The following FTCDNL1 variants were observed in gnomAD, a reference collection of about 807,000 sequenced individuals.
FTCDNL1 encodes the protein formiminotransferase N-terminal subdomain-containing protein.
Under a neutral mutation model 5.9 loss-of-function variants are expected in FTCDNL1, and 11 were observed. That is an observed-to-expected ratio of 1.87 (90% CI 1.18 to 3.10). The LOEUF is 3.10. Among genes scored for constraint, FTCDNL1 ranks in the 30% most tolerant of loss-of-function variants. The probability of loss-of-function intolerance (pLI) is 0.00; values close to 1 mark genes in which losing one functional copy is unlikely to be tolerated. For synonymous variants in FTCDNL1, 58 were observed against 24.8 expected (o/e 2.34, Z -3.99); for missense variants, 115 against 65.5 (o/e 1.76, Z -2.61).
At chr2:199,696,413 C>T in the FTCDNL1 span, among the ~76,000 whole-genome samples, 3 of 152,128 alleles carry the variant, frequency 2.0e-5, no homozygotes, top group East Asian at 1.9e-4. Flanking sequence ...GTGTTGTTGC[C>T]GGCAGACTGG....
intron 2 of FTCDNL1, among the ~76,000 whole-genome samples, chr2:199,846,768 T>C (rs2076743725): frequency 6.6e-6 from 1 of 152,200 alleles, no homozygotes; most frequent in South Asian, 2.1e-4. Context: ...TGAATATGTG[T>C]AACCTGGAGG....
chr2:199,758,638 A>ATTG (rs1224655030), downstream of FTCDNL1, among the ~76,000 whole-genome samples: 1 of 152,208 alleles, frequency 6.6e-6, no homozygotes, highest in African/African-American at 2.4e-5. Flanking sequence ...ATTCACAAGT[A>ATTG]TACAAGAAGT....
At chr2:199,730,314 C>A in the FTCDNL1 span, among the ~76,000 whole-genome samples, 1 of 152,082 alleles carries the variant, frequency 6.6e-6, no homozygotes, top group Non-Finnish European at 1.5e-5. Flanking sequence ...CCAAAAGCAA[C>A]TGCAACGAAA....
intron 2 of FTCDNL1, among the ~76,000 whole-genome samples, chr2:199,848,538 T>C (rs1343465574): frequency 6.6e-6 from 1 of 152,260 alleles, no homozygotes; most frequent in Non-Finnish European, 1.5e-5. Flanking sequence ...TATACTTTTA[T>C]GTAAATACAT....
the FTCDNL1 span, among the ~76,000 whole-genome samples, chr2:199,707,805 G>A: frequency 2.6e-5 from 4 of 151,938 alleles, no homozygotes; most frequent in African/African-American, 9.7e-5. Context: ...ACAGAAGTCT[G>A]CAGTAATTTA....
At chr2:199,715,021 C>T in the FTCDNL1 span, among the ~76,000 whole-genome samples, 1 of 151,642 alleles carries the variant, frequency 6.6e-6, no homozygotes, top group Non-Finnish European at 1.5e-5. Context: ...TGCAGCACAC[C>T]AACATGGCAC....
At chr2:199,725,202 A>G in the FTCDNL1 span, among the ~76,000 whole-genome samples, 1 of 152,156 alleles carries the variant, frequency 6.6e-6, no homozygotes, top group Admixed American at 6.5e-5. Flanking sequence ...CTAGGATTGC[A>G]ACCCCTGGTT....
the FTCDNL1 span, among the ~76,000 whole-genome samples, chr2:199,714,408 A>T: frequency 3.3e-5 from 5 of 152,224 alleles, no homozygotes; most frequent in South Asian, 2.1e-4. Context: ...AAAATATTAA[A>T]GATACATATG....
Position 199,761,132 on chromosome 2 carries a change from G to A in FTCDNL1, c.212-297C>T, listed in dbSNP as rs556565763. Among the ~76,000 whole-genome samples the A allele has an allele frequency of 2.1e-4, 32 of 152,302 alleles. 1 individual carries two copies. The highest frequency in any genetic ancestry group is 6.7e-4 in the African/African-American group (28 of 41,562). On this transcript the variant is annotated intron_variant, in intron 3 of 3. Coordinates refer to the FTCDNL1 transcript ENST00000416668. ...TCAGTTTCTTGCCAGGACCCTGACT[G>A]CTCCCTGCACAGAGTAAGAAGCCTG...
intron 3 of FTCDNL1, among the ~76,000 whole-genome samples, chr2:199,781,220 C>T (rs773327979): frequency 2.0e-5 from 3 of 152,164 alleles, no homozygotes; most frequent in Non-Finnish European, 4.4e-5. Flanking sequence ...GGATATAAAC[C>T]ATTACCTATA....
chr2:199,723,603 A>G, the FTCDNL1 span, among the ~76,000 whole-genome samples: 2 of 152,082 alleles, frequency 1.3e-5, no homozygotes, highest in Non-Finnish European at 2.9e-5. Context: ...GGGGACGTTC[A>G]TTTTTATTGA....
the FTCDNL1 span, among the ~76,000 whole-genome samples, chr2:199,670,473 A>G: frequency 6.6e-6 from 1 of 152,206 alleles, no homozygotes. Context: ...AAATCAAGAG[A>G]CTTTTCAATC....
At chr2:199,729,270 T>C in the FTCDNL1 span, among the ~76,000 whole-genome samples, 1 of 152,152 alleles carries the variant, frequency 6.6e-6, no homozygotes, top group African/African-American at 2.4e-5. Context: ...TAAATAAAGA[T>C]GGAAGAATAA....
the FTCDNL1 span, among the ~76,000 whole-genome samples, chr2:199,686,135 C>G: frequency 6.6e-6 from 1 of 152,222 alleles, no homozygotes; most frequent in African/African-American, 2.4e-5. Context: ...CTCCGCTGTT[C>G]AGCGTGGGTG....
chr2:199,755,685 T>C (rs571733569), downstream of FTCDNL1, among the ~76,000 whole-genome samples: 17 of 152,334 alleles, frequency 1.1e-4, no homozygotes, highest in South Asian at 3.5e-3. Context: ...AGGAGCAGTA[T>C]ACCTATGCTG....
intron 3 of FTCDNL1, among the ~76,000 whole-genome samples, chr2:199,768,760 G>A (rs777804821): frequency 6.6e-6 from 1 of 152,148 alleles, no homozygotes; most frequent in Non-Finnish European, 1.5e-5. Context: ...TGAAAAGCAA[G>A]AGTTCTACTT....
At chr2:199,723,733 C>T in the FTCDNL1 span, among the ~76,000 whole-genome samples, 1 of 152,174 alleles carries the variant, frequency 6.6e-6, no homozygotes, top group Admixed American at 6.5e-5. Flanking sequence ...AGGGATAAAG[C>T]CAACTTGATT....
the FTCDNL1 span, among the ~76,000 whole-genome samples, chr2:199,707,958 G>A: frequency 6.6e-6 from 1 of 151,962 alleles, no homozygotes; most frequent in African/African-American, 2.4e-5. Context: ...TGGATCTATA[G>A]ATTGATAATT....
chr2:199,689,810 TAAAAAA>T, the FTCDNL1 span, among the ~76,000 whole-genome samples: 3 of 116,996 alleles, frequency 2.6e-5, no homozygotes, highest in Non-Finnish European at 5.0e-5. Flanking sequence ...AAACTCCGTC[TAAAAAA>T]AAAAAAAAAA....
Sources: allele counts gnomAD v4.1 joint callset (sites outside exome capture counted in the v4.1 genomes callset), GRCh38; gene constraint gnomAD v4.1.1; transcripts MANE v1.5; gene names NCBI Gene and HGNC (gene_info 2026-07-23, HGNC 2026-07-21).